SP110: variants seen among roughly 807,000 people sequenced by gnomAD.
The protein encoded by SP110 is SP110 nuclear body protein.
In SP110, 62 loss-of-function variants were observed where a neutral mutation model predicts 92.7. The observed-to-expected ratio is 0.67, with a 90% CI of 0.55 to 0.83. SP110 has a LOEUF of 0.83. SP110 is among the 40% of genes least tolerant of loss of function. The probability of loss-of-function intolerance (pLI) is 0.00; values close to 1 mark genes in which losing one functional copy is unlikely to be tolerated. For missense variants in SP110, 793 were observed against 863.9 expected, an observed-to-expected ratio of 0.92 and a Z score of 1.03; for synonymous variants, 273 against 305.3, an observed-to-expected ratio of 0.89 and a Z score of 1.10.
chr2:230,207,516 T>C (rs2044001893), intron 8 of SP110, among the ~76,000 whole-genome samples: 1 of 152,206 alleles, frequency 6.6e-6, no homozygotes, highest in South Asian at 2.1e-4. Flanking sequence ...CAGAAACCTC[T>C]AAAGGAACAG....
rs371526319 is a variant in SP110, at chr2:230,172,905, A to G, written c.1645T>C (p.Cys549Arg). The change falls in exon 15 of 19, where the codon TGC becomes CGC. Residue 549 changes from cysteine (C) to arginine (R), a missense_variant. Cys to Arg is a radical substitution (Grantham distance 180). Transcript: ENST00000258381. ...VCCQGGQLLC[C>R]GTCPRVFHED... ...TGGAAGACTCGTGGACAAGTACCGCAGCAGAGAAGTTGTCCCCCTTGACAG... is the reference window on the plus strand; with the variant it reads ...TGGAAGACTCGTGGACAAGTACCGCGGCAGAGAAGTTGTCCCCCTTGACAG... 3 of 1,614,096 alleles carry G rather than the reference A, an allele frequency of 1.9e-6. No homozygotes were observed. The African/African-American group carries it at 4.0e-5, about 22-fold the overall frequency.
Position 230,216,943 on chromosome 2 carries a change from A to G in SP110, c.-1-15T>C, listed in dbSNP as rs1272377781. On this transcript the variant is annotated splice_polypyrimidine_tract_variant and intron_variant, in intron 1 of 18. Coordinates refer to ENST00000258381, the MANE Select transcript of SP110 (RefSeq NM_080424.4). ...TGGTGAACATCCTATGGAAAGAGGCATGATAAAAAATAGAAGCAAAGGCTG... is the reference window on the plus strand; with the variant it reads ...TGGTGAACATCCTATGGAAAGAGGCGTGATAAAAAATAGAAGCAAAGGCTG... 1.2e-6 allele frequency: 2 copies of G among 1,611,720 alleles called. No individual in the cohort carries two copies. Among genetic ancestry groups the G allele is most frequent in the African/African-American group, 1.3e-5 (1 of 74,998 alleles).
chr2:230,187,476 G>A lies in SP110; in HGVS notation c.1130-1333C>T, dbSNP rs187409557. 3.3e-3 allele frequency among the ~76,000 whole-genome samples: 505 copies of A among 152,182 alleles called. 3 individuals carry two copies. Among genetic ancestry groups the A allele is most frequent in the African/African-American group, 0.012 (481 of 41,512 alleles). On this transcript the variant is annotated intron_variant, in intron 10 of 18. Transcript: ENST00000258381. ...CTCTGATGTTTATTTCCTTTGCTAC[G>A]AAGAAGCGTTTCAGTTTAATTAAGT...
intron 11 of SP110, among the ~76,000 whole-genome samples, chr2:230,184,158 G>A (rs999903462): frequency 6.6e-5 from 10 of 152,134 alleles, no homozygotes; most frequent in South Asian, 2.1e-4. Flanking sequence ...TCAGAACAGC[G>A]CATCATTTTT....
chr2:230,183,472 G>A, intron 12 of SP110, 100 bp downstream of exon 12: 5 of 837,242 alleles, frequency 6.0e-6, no homozygotes, highest in Non-Finnish European at 1.0e-5. Context: ...CAACTTTGGA[G>A]GAGAAGGGAG....
At chr2:230,198,965 C>T (rs1215863977) in intron 10 of SP110, among the ~76,000 whole-genome samples, 1 of 151,954 alleles carries the variant, frequency 6.6e-6, no homozygotes, top group Non-Finnish European at 1.5e-5. Context: ...TTCTCTTTAG[C>T]TGGAACATAG....
intron 12 of SP110, among the ~76,000 whole-genome samples, chr2:230,178,940 A>G (rs1264640960): frequency 1.3e-5 from 2 of 152,096 alleles, no homozygotes; most frequent in Non-Finnish European, 2.9e-5. Flanking sequence ...CAACCTCACT[A>G]TGGGTGAATT....
At chr2:230,181,946 C>G (rs911341995) in intron 12 of SP110, among the ~76,000 whole-genome samples, 26 of 152,212 alleles carry the variant, frequency 1.7e-4, no homozygotes, top group African/African-American at 6.3e-4. Flanking sequence ...GCAAGCAATC[C>G]CATTACTGGG....
intron 11 of SP110, 57 bp downstream of exon 11, chr2:230,185,937 C>A: frequency 6.7e-7 from 1 of 1,496,042 alleles, no homozygotes; most frequent in Non-Finnish European, 9.3e-7. Flanking sequence ...CTGTACTGCT[C>A]CAAGAGGCCC....
chr2:230,223,288 G>T (rs1371189357), upstream of SP110, among the ~76,000 whole-genome samples: 2 of 152,168 alleles, frequency 1.3e-5, no homozygotes, highest in Non-Finnish European at 2.9e-5. Context: ...GCCTGCCTCA[G>T]CCTCCCGAAG....
intron 2 of SP110, 72 bp downstream of exon 2, chr2:230,216,709 T>G: frequency 6.3e-7 from 1 of 1,578,318 alleles, no homozygotes. Flanking sequence ...TGGTGGTTTG[T>G]GGTTTGAGAC....
intron 14 of SP110, chr2:230,176,809 G>A: frequency 7.2e-7 from 1 of 1,382,176 alleles, no homozygotes; most frequent in Non-Finnish European, 1.0e-6. Flanking sequence ...CCTAGTGAAT[G>A]TCTGTACCCA....
chr2:230,221,500 A>G (rs1470740636), upstream of SP110, among the ~76,000 whole-genome samples: 1 of 152,140 alleles, frequency 6.6e-6, no homozygotes, highest in South Asian at 2.1e-4. Flanking sequence ...CCTAGTATGT[A>G]CAGAATAGCA....
At chr2:230,190,227 C>T (rs559126021) in intron 10 of SP110, among the ~76,000 whole-genome samples, 1 of 152,298 alleles carries the variant, frequency 6.6e-6, no homozygotes, top group South Asian at 2.1e-4. Context: ...TGTTTTCTGA[C>T]TTCTTAATAA....
At chr2:230,206,595 T>TATATATATA (rs2043840701) in intron 8 of SP110, among the ~76,000 whole-genome samples, 1 of 70,508 alleles carries the variant, frequency 1.4e-5, no homozygotes, top group South Asian at 6.2e-4. Flanking sequence ...GGTCCAGATT[T>TATATATATA]TATATATATA....
At chr2:230,209,199 G>T (rs1323805016) in intron 7 of SP110, among the ~76,000 whole-genome samples, 3 of 152,178 alleles carry the variant, frequency 2.0e-5, no homozygotes, top group African/African-American at 7.2e-5. Flanking sequence ...ATCGAGCCAG[G>T]TTTGAATGAC....
chr2:230,172,860 G>A lies in SP110; in HGVS notation c.1690C>T (p.Pro564Ser), dbSNP rs1470098008. The change falls in exon 15 of 19, where the codon CCT (proline) becomes TCT (serine). Residue 564 changes from proline (P) to serine (S), a missense_variant. Coordinates refer to ENST00000258381, the MANE Select transcript of SP110 (RefSeq NM_080424.4). ...CCCACTCACCTCTTGGCTTCCACAG[G>A]GGGGATGTGACAGTCCTCATGGAAG... ...RVFHEDCHIP[P>S]VEAKRMLWSC... 6.2e-6 allele frequency: 10 copies of A among 1,613,210 alleles called. 1 individual carries two copies. The highest frequency in any genetic ancestry group is 3.3e-4 in the Middle Eastern group (2 of 6,078).
chr2:230,224,440 GGAGGGAGAGA>G (rs200009484), upstream of SP110, among the ~76,000 whole-genome samples: 3,126 of 142,928 alleles, frequency 0.022, 144 homozygotes, highest in African/African-American at 0.077. Context: ...GGAGGGAGAG[GGAGGGAGAGA>G]GAGGGAGAGG....
chr2:230,224,469 G>A (rs879547887), upstream of SP110, among the ~76,000 whole-genome samples: 14 of 148,994 alleles, frequency 9.4e-5, no homozygotes, highest in Non-Finnish European at 1.8e-4. Context: ...GGGAGGGAGA[G>A]GGAGGGAGAG....
Sources: gnomAD v4.1 joint callset for allele counts (sites outside exome capture counted in the v4.1 genomes callset) on GRCh38, gnomAD v4.1.1 for gene constraint, MANE v1.5 for transcripts, NCBI Gene and HGNC (gene_info 2026-07-23, HGNC 2026-07-21) for gene names.